Variants in PPP6R3 observed in about 807,000 individuals in gnomAD.
The protein encoded by PPP6R3 is protein phosphatase 6 regulatory subunit 3.
In PPP6R3, 38 loss-of-function variants were observed where a neutral mutation model predicts 110.7. The observed-to-expected ratio is 0.34, with a 90% CI of 0.26 to 0.45. The LOEUF (loss-of-function observed/expected upper bound fraction) is 0.45. Among genes scored for constraint, PPP6R3 ranks in the 20% least tolerant of loss-of-function variants. PPP6R3 has a pLI of 1.00. For missense variants in PPP6R3, 870 were observed against 1,062.4 expected (o/e 0.82, Z 2.52); for synonymous variants, 369 against 373.5 (o/e 0.99, Z 0.14).
chr11:68,524,085 TC>T (rs1196598171), intron 2 of PPP6R3, among the ~76,000 whole-genome samples: 1 of 152,194 alleles, frequency 6.6e-6, no homozygotes, highest in African/African-American at 2.4e-5. Flanking sequence ...AGTACAACCT[TC>T]CTGTCCAGAA....
At position 68,548,105 on chromosome 11, in the gene PPP6R3, C is replaced by T. The variant is rs915914498; in HGVS notation, c.453C>T (p.Asp151=). 4 of 1,613,696 alleles carry T rather than the reference C, an allele frequency of 2.5e-6. No homozygotes were observed. In the Admixed American group the frequency reaches 5.0e-5, roughly 20 times the overall value. ...TAAAGAAGAAGCATGATTTTGTAGACCTTATTATAAAGCACATAGGAACTT... is the reference window on the plus strand; with the variant it reads ...TAAAGAAGAAGCATGATTTTGTAGATCTTATTATAAAGCACATAGGAACTT... ...DFLKKKHDFV[D]LIIKHIGTSA... is the part of the protein sequence containing the mutation. The change falls in exon 5 of 24, where the codon GAC becomes GAT. Residue 151 remains aspartate, a synonymous_variant. Transcript: ENST00000393800.
At chr11:68,593,586 A>G (rs894040310) in intron 18 of PPP6R3, among the ~76,000 whole-genome samples, 2 of 152,268 alleles carry the variant, frequency 1.3e-5, no homozygotes, top group Non-Finnish European at 2.9e-5. Context: ...CAAAGGAAAT[A>G]AAATCAAATC....
chr11:68,574,187 G>A lies in PPP6R3; in HGVS notation c.1422G>A (p.Lys474=). 1 of 1,614,020 alleles carries A rather than the reference G, an allele frequency of 6.2e-7. No homozygotes were observed. Among genetic ancestry groups the A allele is most frequent in the Non-Finnish European group, 8.5e-7 (1 of 1,179,902 alleles). ...IANCIVHSTD[K]GPNSALVQQL... ...ACTGTATCGTGCACAGCACTGACAA[G>A]GGCCCCAACAGTGCATTAGTGCAGC... The change falls in exon 13 of 24, where the codon AAG becomes AAA. Residue 474 remains lysine (K), a synonymous_variant. Transcript: ENST00000393800.
At chr11:68,473,789 CTGCTT>C (rs1283459150) in intron 1 of PPP6R3, among the ~76,000 whole-genome samples, 1 of 152,184 alleles carries the variant, frequency 6.6e-6, no homozygotes, top group Non-Finnish European at 1.5e-5. Context: ...GAAAAACACT[CTGCTT>C]TGTTATTTTT....
intron 2 of PPP6R3, among the ~76,000 whole-genome samples, chr11:68,536,174 T>C (rs902688803): frequency 6.6e-6 from 1 of 152,052 alleles, no homozygotes; most frequent in African/African-American, 2.4e-5. Context: ...CTATGATCTC[T>C]ATTTAAAAAA....
intron 8 of PPP6R3, among the ~76,000 whole-genome samples, chr11:68,560,085 G>A (rs2099413644): frequency 6.6e-6 from 1 of 152,172 alleles, no homozygotes; most frequent in South Asian, 2.1e-4. Context: ...ATAACATTAA[G>A]TGGTTATATT....
chr11:68,609,849 G>A (rs1942457872), intron 22 of PPP6R3, 55 bp from the exon 23 acceptor site: 4 of 1,608,412 alleles, frequency 2.5e-6, no homozygotes, highest in Non-Finnish European at 3.4e-6. Flanking sequence ...ATCCTCTGGT[G>A]CCTAGGTGCT....
chr11:68,612,110 G>A (rs948456210), intron 23 of PPP6R3, among the ~76,000 whole-genome samples: 3 of 152,170 alleles, frequency 2.0e-5, no homozygotes, highest in African/African-American at 7.2e-5. Context: ...AACTGAGAGG[G>A]GCTAAGAAAT....
At chr11:68,534,485 TC>T (rs2099258976) in intron 2 of PPP6R3, among the ~76,000 whole-genome samples, 1 of 152,184 alleles carries the variant, frequency 6.6e-6, no homozygotes, top group Non-Finnish European at 1.5e-5. Context: ...TCTTTAGAAA[TC>T]CAGTGTTTAA....
chr11:68,503,860 T>C (rs2099061177), intron 1 of PPP6R3, among the ~76,000 whole-genome samples: 1 of 152,184 alleles, frequency 6.6e-6, no homozygotes, highest in African/African-American at 2.4e-5. Context: ...AAGTGAAGTA[T>C]AAATGGTTCT....
chr11:68,467,704 A>G (rs2098758299), intron 1 of PPP6R3, among the ~76,000 whole-genome samples: 1 of 152,234 alleles, frequency 6.6e-6, no homozygotes, highest in Non-Finnish European at 1.5e-5. Flanking sequence ...TAGTCTTGAC[A>G]ATTGACTGAG....
intron 3 of PPP6R3, 58 bp downstream of exon 3, chr11:68,537,949 T>G: frequency 7.9e-7 from 1 of 1,266,102 alleles, no homozygotes; most frequent in Non-Finnish European, 1.1e-6. Flanking sequence ...GGGTAGAATA[T>G]ACAGCTCTTG....
intron 2 of PPP6R3, among the ~76,000 whole-genome samples, chr11:68,527,900 G>A (rs527788315): frequency 6.6e-6 from 1 of 152,168 alleles, no homozygotes; most frequent in Non-Finnish European, 1.5e-5. Context: ...GGGAGGCGTC[G>A]CCTGGCCTGG....
At chr11:68,542,393 T>TTTTTTTGTTTTTTG (rs1317252286) in intron 3 of PPP6R3, among the ~76,000 whole-genome samples, 4 of 99,526 alleles carry the variant, frequency 4.0e-5, no homozygotes, top group Non-Finnish European at 8.1e-5. Context: ...GCTGCTGTTT[T>TTTTTTTGTTTTTTG]TTTTTTTTTT....
intron 14 of PPP6R3, among the ~76,000 whole-genome samples, chr11:68,578,924 A>G (rs917209381): frequency 6.6e-6 from 1 of 152,244 alleles, no homozygotes; most frequent in Non-Finnish European, 1.5e-5. Context: ...AAAATTGGCA[A>G]GGATTTAGGT....
intron 1 of PPP6R3, among the ~76,000 whole-genome samples, chr11:68,488,350 T>G (rs1290206093): frequency 6.6e-6 from 1 of 152,166 alleles, no homozygotes; most frequent in Non-Finnish European, 1.5e-5. Context: ...AAAAATTTCT[T>G]TTTTGTAGAG....
chr11:68,600,355 G>A lies in PPP6R3; in HGVS notation c.2053G>A (p.Ala685Thr). The A allele has an allele frequency of 6.2e-7, 1 of 1,613,984 alleles. No individual in the cohort carries two copies. The highest frequency in any genetic ancestry group is 8.5e-7 in the Non-Finnish European group (1 of 1,179,882). The change falls in exon 20 of 24, where the codon GCT becomes ACT. Residue 685 changes from alanine to threonine, a missense_variant. Coordinates refer to ENST00000393800, the MANE Select transcript of PPP6R3 (RefSeq NM_001164161.2). ...CCTCTTTTTAGCACCCAACTGGTCA[G>A]CTAACTTTGATGTCCCAATGGAAAC... ...VDLSEPPNWS[A>T]NFDVPMETTH...
intron 1 of PPP6R3, among the ~76,000 whole-genome samples, chr11:68,511,210 G>A (rs1419383688): frequency 6.6e-6 from 1 of 151,598 alleles, no homozygotes; most frequent in Non-Finnish European, 1.5e-5. Flanking sequence ...TGGGATTAAG[G>A]CACGCGCCAC....
intron 18 of PPP6R3, among the ~76,000 whole-genome samples, chr11:68,592,641 C>T (rs1260054945): frequency 6.6e-6 from 1 of 152,212 alleles, no homozygotes; most frequent in Non-Finnish European, 1.5e-5. Flanking sequence ...GACCGGGCAT[C>T]TTTTATTTAT....
Sources: allele counts gnomAD v4.1 joint callset (sites outside exome capture counted in the v4.1 genomes callset), GRCh38; gene constraint gnomAD v4.1.1; transcripts MANE v1.5; gene names NCBI Gene and HGNC (gene_info 2026-07-23, HGNC 2026-07-21).